The following CD72 variants were observed in gnomAD, a reference collection of about 807,000 sequenced individuals.
CD72 encodes the protein CD72 molecule.
In CD72, 28 loss-of-function variants were observed where a neutral mutation model predicts 50.7. The ratio of observed to expected loss-of-function variants is 0.55; its 90% confidence interval spans 0.41 to 0.76. CD72 has a LOEUF of 0.76. Ranked by LOEUF, CD72 falls within the 30% of genes least tolerant of loss-of-function variation. CD72 has a pLI of 0.00. For synonymous variants in CD72, 176 were observed against 171.2 expected, an observed-to-expected ratio of 1.03 and a Z score of -0.22; for missense variants, 403 against 420.6, an observed-to-expected ratio of 0.96 and a Z score of 0.37.
At chr9:35,611,237 C>T (rs549961024) in intron 7 of CD72, among the ~76,000 whole-genome samples, 2 of 145,502 alleles carry the variant, frequency 1.4e-5, no homozygotes, top group African/African-American at 2.6e-5. Flanking sequence ...GGCGACAGAG[C>T]GAGACTCCAT....
At chr9:35,618,785 A>G, upstream of CD72, 4 of 1,287,628 alleles carry the variant, frequency 3.1e-6, no homozygotes, top group South Asian at 2.5e-5. Flanking sequence ...CGTTCTCCCC[A>G]TGAGACTGGG....
intron 3 of CD72, 30 bp from the exon 4 acceptor site, chr9:35,616,719 A>G (rs1451683673): frequency 1.9e-6 from 3 of 1,560,846 alleles, no homozygotes; most frequent in East Asian, 2.2e-5. Context: ...GGATGAGGGC[A>G]GTCAGCCCCC....
intron 3 of CD72, 193 bp downstream of exon 3, chr9:35,616,983 C>T (rs1265546696): frequency 6.9e-7 from 1 of 1,443,264 alleles, no homozygotes; most frequent in Non-Finnish European, 9.1e-7. Context: ...TTGGGACCAT[C>T]CGCAGGGGGG....
chr9:35,615,985 T>G lies in CD72; in HGVS notation c.646A>C (p.Met216Leu), dbSNP rs373555537. 2 of 1,614,010 alleles carry G rather than the reference T, an allele frequency of 1.2e-6. No homozygotes were observed. Among genetic ancestry groups the G allele is most frequent in the Non-Finnish European group, 1.7e-6 (2 of 1,180,004 alleles). ...RRALEQKLSNMENRLKPFFTC... is the reference protein window; with the variant it reads ...RRALEQKLSNLENRLKPFFTC... ...AAGAAGGGCTTCAGTCTGTTCTCCATGTTGCTCAGCTTCTGCTCCAAGGCC... is the reference window on the plus strand; with the variant it reads ...AAGAAGGGCTTCAGTCTGTTCTCCAGGTTGCTCAGCTTCTGCTCCAAGGCC... The change falls in exon 5 of 9, where the codon ATG becomes CTG. Residue 216 changes from methionine (M) to leucine (L), a missense_variant. Coordinates refer to ENST00000259633, the MANE Select transcript of CD72 (RefSeq NM_001782.3).
chr9:35,645,531 G>C (rs559412195), intron 1 of CD72, among the ~76,000 whole-genome samples: 1 of 151,892 alleles, frequency 6.6e-6, no homozygotes, highest in East Asian at 1.9e-4. Flanking sequence ...GCAGTGAGCC[G>C]AGGTTGCACC....
At chr9:35,617,716 ATTC>A (rs1823088995) in intron 2 of CD72, among the ~76,000 whole-genome samples, 1 of 151,868 alleles carries the variant, frequency 6.6e-6, no homozygotes, top group Non-Finnish European at 1.5e-5. Flanking sequence ...TCCTGTTCCT[ATTC>A]TTCTGTTTCC....
At chr9:35,621,461 A>G (rs532955423), upstream of CD72, among the ~76,000 whole-genome samples, 3 of 152,342 alleles carry the variant, frequency 2.0e-5, no homozygotes, top group South Asian at 2.1e-4. Flanking sequence ...ATCTGTCTTC[A>G]TTACTTTAAC....
intron 1 of CD72, among the ~76,000 whole-genome samples, chr9:35,630,790 G>A (rs185931734): frequency 8.5e-5 from 13 of 152,278 alleles, no homozygotes; most frequent in East Asian, 3.9e-4. Context: ...GTGGCTGGAC[G>A]CAGTGGCTCA....
intron 1 of CD72, among the ~76,000 whole-genome samples, chr9:35,637,384 G>A (rs1404835511): frequency 1.3e-5 from 2 of 152,204 alleles, no homozygotes; most frequent in African/African-American, 2.4e-5. Flanking sequence ...CCTTCGGGAG[G>A]CGGGTCCCCT....
intron 1 of CD72, among the ~76,000 whole-genome samples, chr9:35,632,103 G>A (rs1373306637): frequency 6.6e-6 from 1 of 151,696 alleles, no homozygotes; most frequent in African/African-American, 2.4e-5. Context: ...TATATTTCTT[G>A]AAAGATATCC....
At chr9:35,629,340 A>T (rs1247942112) in intron 1 of CD72, among the ~76,000 whole-genome samples, 1 of 152,204 alleles carries the variant, frequency 6.6e-6, no homozygotes, top group Non-Finnish European at 1.5e-5. Flanking sequence ...TTTTAAGCTT[A>T]AAGGAAAGTT....
intron 1 of CD72, among the ~76,000 whole-genome samples, chr9:35,635,983 G>T (rs1303173045): frequency 6.6e-6 from 1 of 152,118 alleles, no homozygotes; most frequent in Non-Finnish European, 1.5e-5. Context: ...TTAAAGCCAG[G>T]AAGTGTTGAA....
chr9:35,627,144 T>C (rs968416711), intron 1 of CD72, among the ~76,000 whole-genome samples: 1 of 145,790 alleles, frequency 6.9e-6, no homozygotes, highest in African/African-American at 2.6e-5. Context: ...GGCCTTTTTT[T>C]TTTTTTGAGA....
At chr9:35,636,749 A>C (rs1388609834) in intron 1 of CD72, among the ~76,000 whole-genome samples, 1 of 152,142 alleles carries the variant, frequency 6.6e-6, no homozygotes, top group Non-Finnish European at 1.5e-5. Context: ...AGAAATGAAG[A>C]GAGTATCTGA....
At chr9:35,621,310 C>A (rs1823144991), upstream of CD72, among the ~76,000 whole-genome samples, 1 of 152,174 alleles carries the variant, frequency 6.6e-6, no homozygotes, top group African/African-American at 2.4e-5. Flanking sequence ...TTACGGTTGA[C>A]AAGAGGAGGG....
chr9:35,611,182 C>T (rs941249626), intron 7 of CD72, among the ~76,000 whole-genome samples: 4 of 151,142 alleles, frequency 2.6e-5, no homozygotes, highest in East Asian at 2.0e-4. Context: ...ACCCCTGAGG[C>T]GGAGCTTGCA....
rs146070989 is a variant in CD72, at chr9:35,618,048, T to C, written c.156A>G (p.Ser52=). 3.4e-5 allele frequency: 55 copies of C among 1,613,736 alleles called. No individual in the cohort carries two copies. In the African/African-American group the frequency reaches 6.1e-4, roughly 18 times the overall value. ...VQVPAVLGVP[S]SLASSVLGDK... ...CCCCTAGTACAGAAGAAGCCAAGCT[T>C]GAGGGCACCCCTAGGACTGCGGGCA... The change falls in exon 2 of 9, where the codon TCA becomes TCG. Residue 52 remains serine, a synonymous_variant. Coordinates refer to ENST00000259633, the MANE Select transcript of CD72 (RefSeq NM_001782.3).
chr9:35,640,407 C>T (rs1191963768), intron 1 of CD72, among the ~76,000 whole-genome samples: 4 of 152,212 alleles, frequency 2.6e-5, no homozygotes, highest in African/African-American at 9.7e-5. Context: ...CTTGGCCTCA[C>T]GGATTCCAAG....
chr9:35,643,124 T>G (rs1289151816), intron 1 of CD72: 2 of 152,204 alleles, frequency 1.3e-5, no homozygotes, highest in African/African-American at 4.8e-5. Flanking sequence ...TGGCTTCAAA[T>G]GCCAAAAGCC....
Sources: allele counts gnomAD v4.1 joint callset (sites outside exome capture counted in the v4.1 genomes callset), GRCh38; gene constraint gnomAD v4.1.1; transcripts MANE v1.5; gene names NCBI Gene and HGNC (gene_info 2026-07-23, HGNC 2026-07-21).